The following RNF38 variants were observed in gnomAD, a reference collection of about 807,000 sequenced individuals.
RNF38 encodes the protein E3 ubiquitin-protein ligase RNF38.
A neutral mutation model predicts 67.2 loss-of-function variants in RNF38; 15 were observed. The observed-to-expected ratio is 0.22, with a 90% confidence interval of 0.15 to 0.34. RNF38 has a LOEUF of 0.34. Among genes scored for constraint, RNF38 ranks in the 10% least tolerant of loss-of-function variants. The pLI is 1.00. For missense variants in RNF38, 524 were observed against 639.9 expected (o/e 0.82, Z 1.95); for synonymous variants, 220 against 218.8 (o/e 1.01, Z -0.05).
chr9:36,356,796 T>C (rs1834152076), intron 5 of RNF38, among the ~76,000 whole-genome samples: 1 of 152,006 alleles, frequency 6.6e-6, no homozygotes, highest in South Asian at 2.1e-4. Flanking sequence ...CTCTCTCTAG[T>C]TGGTTTAAGA....
chr9:36,346,353 T>G (rs573818743), intron 9 of RNF38, among the ~76,000 whole-genome samples: 1 of 152,174 alleles, frequency 6.6e-6, no homozygotes, highest in Non-Finnish European at 1.5e-5. Flanking sequence ...AGCTAATTTT[T>G]TGTATTTTTT....
intron 6 of RNF38, 108 bp downstream of exon 6, chr9:36,356,195 C>T (rs1232797673): frequency 8.6e-6 from 9 of 1,052,022 alleles, no homozygotes; most frequent in East Asian, 5.2e-5. Context: ...CTTAGGCATT[C>T]GTCTGGTTCT....
At chr9:36,416,342 G>A (rs1418360465) in intron 2 of RNF38, among the ~76,000 whole-genome samples, 2 of 152,020 alleles carry the variant, frequency 1.3e-5, no homozygotes, top group East Asian at 3.9e-4. Context: ...AGGCCTCACC[G>A]AATTCCTCCA....
At chr9:36,351,636 A>T (rs1833692466) in intron 8 of RNF38, among the ~76,000 whole-genome samples, 1 of 152,194 alleles carries the variant, frequency 6.6e-6, no homozygotes, top group Admixed American at 6.5e-5. Context: ...AATAGAGAAA[A>T]CGGGGAGAGA....
intron 10 of RNF38, among the ~76,000 whole-genome samples, chr9:36,343,490 T>C (rs555563316): frequency 6.6e-6 from 1 of 152,278 alleles, no homozygotes; most frequent in East Asian, 1.9e-4. Flanking sequence ...AAATGGCTAG[T>C]AGCACATGAA....
Position 36,424,838 on chromosome 9 carries a change from G to A in RNF38, n.242-155C>T, listed in dbSNP as rs10972895. ...ATTATTATTCATGCATTTTAACAGA[G>A]GAAAACAAAACACAGAGAGGCTGAC... On this transcript the variant is annotated intron_variant and non_coding_transcript_variant, in intron 1 of 3. Coordinates refer to the RNF38 transcript ENST00000488058. Among the ~76,000 whole-genome samples the A allele has an allele frequency of 7.9e-3, 1,203 of 152,258 alleles. 18 individuals carry two copies. The highest frequency in any genetic ancestry group is 0.064 in the South Asian group (308 of 4,824).
At chr9:36,416,489 G>A (rs892484637) in intron 2 of RNF38, among the ~76,000 whole-genome samples, 1 of 152,098 alleles carries the variant, frequency 6.6e-6, no homozygotes, top group African/African-American at 2.4e-5. Flanking sequence ...TTCAGGTCTT[G>A]CCCCTCCCTG....
rs1837869333 is a variant in RNF38, at chr9:36,399,936, TCATA to T, written c.12+157_12+160del. Among the ~76,000 whole-genome samples, 6 of 152,312 alleles carry T rather than the reference TCATA, an allele frequency of 3.9e-5. No homozygotes were observed. In the South Asian group the frequency reaches 1.2e-3, roughly 32 times the overall value. On this transcript the variant is annotated intron_variant, in intron 1 of 11. Transcript: ENST00000259605. ...ATGAGCTTTGTATACATTTAAGTTT[TCATA>T]CGTTAAGTCCACCGCTTAAGAAAAA...
intron 1 of RNF38, among the ~76,000 whole-genome samples, chr9:36,480,521 T>C (rs1463206838): frequency 6.6e-6 from 1 of 151,584 alleles, no homozygotes; most frequent in Non-Finnish European, 1.5e-5. Flanking sequence ...CTGCTTGCTA[T>C]TCTATGTATA....
chr9:36,393,848 T>C (rs967698311), intron 1 of RNF38, among the ~76,000 whole-genome samples: 1 of 152,144 alleles, frequency 6.6e-6, no homozygotes, highest in Non-Finnish European at 1.5e-5. Context: ...AGGTACCATG[T>C]GGCAGGGGCT....
intron 1 of RNF38, among the ~76,000 whole-genome samples, chr9:36,459,710 C>T (rs1327877813): frequency 6.6e-6 from 1 of 152,156 alleles, no homozygotes; most frequent in Non-Finnish European, 1.5e-5. Context: ...TGCTTTCCTT[C>T]TACCACCACT....
chr9:36,367,319 TATCA>T (rs1835048873), intron 4 of RNF38, among the ~76,000 whole-genome samples: 1 of 152,218 alleles, frequency 6.6e-6, no homozygotes, highest in Non-Finnish European at 1.5e-5. Context: ...AAAGGAATGC[TATCA>T]ATAAGCCTTC....
rs868443881 is a variant in RNF38 at position 36,344,932 on chromosome 9, G to A, written c.1285C>T (p.Arg429Ter). The change falls in exon 10 of 12, where the codon CGA becomes TGA. Residue 429 changes from arginine (R) to a stop codon, truncating the protein, a stop_gained. Transcript: ENST00000259605. LOFTEE classifies it high-confidence loss of function. ...CCACGAGGCTTTGCCTCTCCCAGTC[G>A]CTCTGCCAGGTTTAACAGGGCCTGC... ...NYEALLNLAE[R>*]LGEAKPRGLT... The A allele has an allele frequency of 1.2e-6, 2 of 1,613,250 alleles. No individual in the cohort carries two copies. Among genetic ancestry groups the A allele is most frequent in the Non-Finnish European group, 8.5e-7 (1 of 1,179,394 alleles).
chr9:36,423,647 T>C (rs1838684272), intron 2 of RNF38, among the ~76,000 whole-genome samples: 1 of 151,740 alleles, frequency 6.6e-6, no homozygotes, highest in Non-Finnish European at 1.5e-5. Flanking sequence ...TCAAGCGTAC[T>C]GATGAGTATT....
intron 2 of RNF38, among the ~76,000 whole-genome samples, chr9:36,378,169 C>CTTTT (rs35057784): frequency 2.0e-3 from 225 of 114,822 alleles, no homozygotes; most frequent in Middle Eastern, 6.9e-3. Context: ...TTAACACTGA[C>CTTTT]TTTTTTTTTT....
intron 1 of RNF38, among the ~76,000 whole-genome samples, chr9:36,446,018 C>T (rs1450223756): frequency 3.3e-5 from 5 of 152,118 alleles, no homozygotes. Context: ...CCATCTTTCC[C>T]GCCTCTTAAA....
chr9:36,484,939 G>T (rs1462741316), intron 1 of RNF38, among the ~76,000 whole-genome samples: 10 of 152,148 alleles, frequency 6.6e-5, no homozygotes, highest in Non-Finnish European at 1.5e-4. Context: ...GGCAGAGGCG[G>T]GCAGATCACG....
chr9:36,346,379 C>G (rs1030482694), intron 9 of RNF38, among the ~76,000 whole-genome samples: 1 of 152,040 alleles, frequency 6.6e-6, no homozygotes, highest in Admixed American at 6.6e-5. Context: ...TTAGTAGAGA[C>G]AGGGTTTTGC....
At chr9:36,409,772 C>A (rs1020023509) in intron 2 of RNF38, among the ~76,000 whole-genome samples, 1 of 152,150 alleles carries the variant, frequency 6.6e-6, no homozygotes, top group African/African-American at 2.4e-5. Flanking sequence ...CTCCACAAAC[C>A]CTGTATCCTC....
Sources: allele counts gnomAD v4.1 joint callset (sites outside exome capture counted in the v4.1 genomes callset), GRCh38; gene constraint gnomAD v4.1.1; transcripts MANE v1.5; gene names NCBI Gene and HGNC (gene_info 2026-07-23, HGNC 2026-07-21).